The following MYO7B variants were observed in gnomAD, a reference collection of about 807,000 sequenced individuals.
MYO7B encodes the protein unconventional myosin-VIIb.
Under a neutral mutation model 259.7 loss-of-function variants are expected in MYO7B, and 212 were observed. That is an observed-to-expected ratio of 0.82 (90% CI 0.73 to 0.91). MYO7B has a LOEUF of 0.91. Among genes scored for constraint, MYO7B ranks in the 40% least tolerant of loss-of-function variants. The pLI, the probability that MYO7B is intolerant of heterozygous loss-of-function variation, is 0.00. For synonymous variants in MYO7B, 1,197 were observed against 1,166.4 expected (o/e 1.03, Z -0.54); for missense variants, 2,732 against 2,813.5 (o/e 0.97, Z 0.66).
intron 26 of MYO7B, among the ~76,000 whole-genome samples, chr2:127,617,438 G>T: frequency 6.8e-6 from 1 of 146,866 alleles, no homozygotes; most frequent in South Asian, 2.2e-4. Context: ...ACACTGACCA[G>T]TACCTTTTTA....
At chr2:127,621,253 ATTT>A (rs11291906) in intron 27 of MYO7B, among the ~76,000 whole-genome samples, 5 of 136,596 alleles carry the variant, frequency 3.7e-5, no homozygotes, top group Admixed American at 1.5e-4. Context: ...CTCTTCTGCA[ATTT>A]TTTTTTTTGT....
In MYO7B at chr2:127,582,398, C is replaced by T; in HGVS notation, c.1295C>T (p.Ala432Val). 1 of 1,613,320 alleles carries T rather than the reference C, an allele frequency of 6.2e-7. No individual in the cohort carries two copies. Among genetic ancestry groups the T allele is most frequent in the Non-Finnish European group, 8.5e-7 (1 of 1,179,670 alleles). Reference sequence around the variant, plus strand: ...CAGGACCCCAAAAATGTGCGGAGGGCCATCGGCCTCCTGGACATATTTGGC... The same window carrying T: ...CAGGACCCCAAAAATGTGCGGAGGGTCATCGGCCTCCTGGACATATTTGGC... Reference protein sequence around the residue: ...PAQDPKNVRRAIGLLDIFGFE... With the variant: ...PAQDPKNVRRVIGLLDIFGFE... Residue 432 changes from alanine (A) to valine (V), a missense_variant, in exon 12 of 48, where the codon GCC (alanine) becomes GTC (valine). By Grantham distance (64) the Ala-to-Val change is moderately conservative (BLOSUM62 0). Around this residue, in one of 3 missense-constraint regions of MYO7B, gnomAD observed 1,906 missense variants for 2,026.4 expected, o/e 0.94. Coordinates refer to ENST00000409816, the MANE Select transcript of MYO7B (RefSeq NM_001393586.1).
chr2:127,587,426 A>C (rs1679345815), intron 14 of MYO7B, among the ~76,000 whole-genome samples: 1 of 152,184 alleles, frequency 6.6e-6, no homozygotes, highest in Non-Finnish European at 1.5e-5. Context: ...CTGGAAGTCC[A>C]AGATCAAGGT....
intron 1 of MYO7B, among the ~76,000 whole-genome samples, chr2:127,555,431 G>C (rs1484594254): frequency 6.6e-6 from 1 of 152,044 alleles, no homozygotes; most frequent in African/African-American, 2.4e-5. Context: ...TTCTTCTGCT[G>C]GGTTTGGATT....
intron 41 of MYO7B, 115 bp downstream of exon 41, chr2:127,634,404 C>A (rs778963739): frequency 4.2e-6 from 4 of 947,126 alleles, no homozygotes; most frequent in South Asian, 1.7e-5. Context: ...CCAGGCTGCA[C>A]GGCCAGGGCT....
At chr2:127,587,864 G>C (rs564077637) in intron 14 of MYO7B, among the ~76,000 whole-genome samples, 1 of 151,586 alleles carries the variant, frequency 6.6e-6, no homozygotes, top group Admixed American at 6.6e-5. Flanking sequence ...ACCACACCCA[G>C]CCTCATCTCC....
rs776578827 is a variant in MYO7B, at chr2:127,627,332, C to T, written c.4460+22C>T. 5.0e-6 allele frequency: 8 copies of T among 1,611,394 alleles called. No homozygotes were observed. The highest frequency in any genetic ancestry group is 5.1e-6 in the Non-Finnish European group (6 of 1,179,204). ...ACAGGTGCGGGCCCTGAGGGAAGAT[C>T]TCTTCTTACACACTGAGTCCTTGTG... On this transcript the variant is annotated intron_variant, in intron 33 of 47. Transcript: ENST00000409816. This position sits in a 1 kb window ranked among gnomAD's most constrained non-coding sequence, Gnocchi z 5.6.
chr2:127,538,412 T>C, intron 1 of MYO7B, among the ~76,000 whole-genome samples: 1 of 152,132 alleles, frequency 6.6e-6, no homozygotes, highest in East Asian at 1.9e-4. Flanking sequence ...GAATTTTTAA[T>C]TCAGCTCATT....
intron 1 of MYO7B, among the ~76,000 whole-genome samples, chr2:127,541,398 A>T (rs1390653081): frequency 1.3e-5 from 2 of 152,252 alleles, no homozygotes; most frequent in African/African-American, 4.8e-5. Context: ...CTGCCTCTGA[A>T]TAAGTGTAAA....
At position 127,626,693 on chromosome 2, in the gene MYO7B, C is replaced by T. The variant is rs535877111; in HGVS notation, c.4216-282C>T. The T allele has an allele frequency of 1.3e-4, 41 of 308,358 alleles. No homozygotes were observed. The East Asian group carries it at 1.8e-3, about 13-fold the overall frequency. 19.1% of individuals were successfully genotyped at this position (308,358 alleles called of 1,614,324 possible). ...ACTCGGGAGGCTGAGGCAGAAGAATCGCTTGAACTCGGGAGGCGGAGCTTG... is the reference window on the plus strand; with the variant it reads ...ACTCGGGAGGCTGAGGCAGAAGAATTGCTTGAACTCGGGAGGCGGAGCTTG... On this transcript the variant is annotated intron_variant, in intron 31 of 47. Coordinates refer to ENST00000409816, the MANE Select transcript of MYO7B (RefSeq NM_001393586.1).
intron 14 of MYO7B, among the ~76,000 whole-genome samples, 161 bp from the exon 15 acceptor site, chr2:127,588,231 G>A (rs1679377778): frequency 6.6e-6 from 1 of 152,090 alleles, no homozygotes; most frequent in African/African-American, 2.4e-5. Context: ...GATGGTGGGG[G>A]CCATGCCTGG....
chr2:127,609,626 A>C lies in MYO7B; in HGVS notation c.2935A>C (p.Thr979Pro), dbSNP rs537395596. 6.2e-7 allele frequency: 1 copy of C among 1,613,924 alleles called. No homozygotes were observed. Among genetic ancestry groups the C allele is most frequent in the Non-Finnish European group, 8.5e-7 (1 of 1,179,874 alleles). ...GTACACCTTCCCCAAGTTTGCTGTG[A>C]CTTACTTCCAGAAATCAGCCAGCCA... is the stretch of plus-strand genomic sequence containing the variant. ...AEYTFPKFAVTYFQKSASHTH... is the reference protein window; with the variant it reads ...AEYTFPKFAVPYFQKSASHTH... The change falls in exon 23 of 48, where the codon ACT becomes CCT. Residue 979 changes from threonine to proline, a missense_variant. Around this residue, in one of 3 missense-constraint regions of MYO7B, gnomAD observed 1,906 missense variants for 2,026.4 expected, o/e 0.94. Transcript: ENST00000409816. The surrounding 1 kb of genome is among the most constrained non-coding windows in gnomAD (Gnocchi z 6.9).
intron 36 of MYO7B, 117 bp downstream of exon 36, chr2:127,631,025 A>G: frequency 7.2e-7 from 1 of 1,382,500 alleles, no homozygotes; most frequent in African/African-American, 1.4e-5. Flanking sequence ...AGAGCTGCAG[A>G]GAGGCCACGC....
At position 127,612,611 on chromosome 2, in the gene MYO7B, C is replaced by G. The variant is rs764755767; in HGVS notation, c.3398+8C>G. ...CCTGCGGCCCAGCCTCAGGTCAGTT[C>G]CCACTCCCATCCCGGCCCCATTCAG... On this transcript the variant is annotated splice_region_variant and intron_variant, in intron 26 of 47. Transcript: ENST00000409816. 1.2e-5 allele frequency: 20 copies of G among 1,609,488 alleles called. No homozygotes were observed. The highest frequency in any genetic ancestry group is 1.7e-5 in the Non-Finnish European group (20 of 1,178,694).
chr2:127,600,070 G>T (rs546704514), intron 19 of MYO7B, among the ~76,000 whole-genome samples: 10 of 152,114 alleles, frequency 6.6e-5, no homozygotes, highest in Non-Finnish European at 1.3e-4. Flanking sequence ...GTGTAGAATT[G>T]ACGTGAATTT....
chr2:127,545,423 C>A (rs1693186059), intron 1 of MYO7B, among the ~76,000 whole-genome samples: 1 of 152,206 alleles, frequency 6.6e-6, no homozygotes, highest in Non-Finnish European at 1.5e-5. Flanking sequence ...CCTGGGTGAG[C>A]AGCCGCATGC....
chr2:127,609,406 G>GCAACAT lies in MYO7B; in HGVS notation c.2815-95_2815-94insTCAACA, dbSNP rs1163032129. 8 of 1,094,226 alleles carry GCAACAT rather than the reference G, an allele frequency of 7.3e-6. No individual in the cohort carries two copies. The highest frequency in any genetic ancestry group is 2.0e-4 in the Middle Eastern group (1 of 4,988). The allele number at this position is 1,094,226 out of a possible 1,614,324, so 67.8% of individuals were successfully genotyped here. A position where few individuals can be genotyped will look rare whatever the true frequency, so the allele number is the denominator to read the frequency against. On this transcript the variant is annotated intron_variant, in intron 22 of 47. Transcript: ENST00000409816. This position sits in a 1 kb window ranked among gnomAD's most constrained non-coding sequence, Gnocchi z 6.9. ...CCAGCACCTGAGGGATCAGGGTAAT[G>GCAACAT]CAACAGCCCCCGTGCTGCCCGGCCT...
chr2:127,609,449 TG>T lies in MYO7B; in HGVS notation c.2815-54del. On this transcript the variant is annotated intron_variant, in intron 22 of 47. Coordinates refer to ENST00000409816, the MANE Select transcript of MYO7B (RefSeq NM_001393586.1). The surrounding 1 kb of genome is among the most constrained non-coding windows in gnomAD (Gnocchi z 6.9). ...CCCGGCCTGCTGGACAGTCAGCTGA[TG>T]GGTTGGTTGTTACCTGAAAGCCCTG... The T allele has an allele frequency of 6.7e-7, 1 of 1,503,110 alleles. No homozygotes were observed. The highest frequency in any genetic ancestry group is 9.1e-7 in the Non-Finnish European group (1 of 1,099,728). 93.1% of individuals were successfully genotyped at this position (1,503,110 alleles called of 1,614,324 possible). A position where few individuals can be genotyped will look rare whatever the true frequency, so the allele number is the denominator to read the frequency against.
intron 11 of MYO7B, 50 bp from the exon 12 acceptor site, chr2:127,582,254 T>G (rs1345242502): frequency 2.5e-6 from 4 of 1,600,900 alleles, no homozygotes; most frequent in Non-Finnish European, 2.6e-6. Flanking sequence ...GGAGGTAACC[T>G]CCGCCTGAGC....
Sources: gnomAD v4.1 joint callset for allele counts (sites outside exome capture counted in the v4.1 genomes callset) on GRCh38, gnomAD v4.1.1 for gene constraint, gnomAD v4.1.1 regional missense constraint, Gnocchi (gnomAD v3.1) non-coding constraint, MANE v1.5 for transcripts, NCBI Gene and HGNC (gene_info 2026-07-23, HGNC 2026-07-21) for gene names.